The following KIF13A variants were observed in gnomAD, a reference collection of about 807,000 sequenced individuals.
KIF13A encodes kinesin family member 13A.
Under a neutral mutation model 212.2 loss-of-function variants are expected in KIF13A, and 79 were observed. The observed-to-expected ratio is 0.37, with a 90% CI of 0.31 to 0.45. The LOEUF is 0.45. KIF13A is among the 20% of genes least tolerant of loss of function. The pLI is 1.00. For missense variants in KIF13A, 1,901 were observed against 2,209.0 expected, an observed-to-expected ratio of 0.86 and a Z score of 2.79; for synonymous variants, 789 against 808.6, an observed-to-expected ratio of 0.98 and a Z score of 0.41.
intron 6 of KIF13A, among the ~76,000 whole-genome samples, chr6:17,854,492 C>T (rs140516938): frequency 6.6e-6 from 1 of 151,100 alleles, no homozygotes; most frequent in African/African-American, 2.4e-5. Flanking sequence ...TCTTCTTACA[C>T]CTTACCTATT....
Position 17,888,341 on chromosome 6 carries a change from T to C in KIF13A, c.159+9827A>G, listed in dbSNP as rs1056067665. 3.9e-5 allele frequency among the ~76,000 whole-genome samples: 6 copies of C among 152,070 alleles called. No homozygotes were observed. The highest frequency in any genetic ancestry group is 8.8e-5 in the Non-Finnish European group (6 of 68,010). ...CAGCTGCAACACTCCTGGACCCAGA[T>C]ATAAAAGTAAAAATGTAAAAGATCA... On this transcript the variant is annotated intron_variant, in intron 3 of 38. Coordinates refer to ENST00000259711, the MANE Select transcript of KIF13A (RefSeq NM_022113.6). This position sits in a 1 kb window ranked among gnomAD's most constrained non-coding sequence, Gnocchi z 4.8.
At chr6:17,868,423 T>C (rs576361152) in intron 4 of KIF13A, among the ~76,000 whole-genome samples, 2 of 152,348 alleles carry the variant, frequency 1.3e-5, no homozygotes, top group South Asian at 2.1e-4. Context: ...GTATTGACTA[T>C]AATATACTAA....
chr6:17,831,655 T>C (rs1164683764), intron 12 of KIF13A, among the ~76,000 whole-genome samples: 2 of 149,512 alleles, frequency 1.3e-5, no homozygotes, highest in Admixed American at 6.8e-5. Flanking sequence ...AACAGAAATA[T>C]AAAGATAGGG....
intron 2 of KIF13A, among the ~76,000 whole-genome samples, chr6:17,936,842 GA>G (rs374057521): frequency 6.6e-6 from 1 of 150,692 alleles, no homozygotes; most frequent in East Asian, 1.9e-4. Context: ...GCATTCCTTT[GA>G]AAAAAAAATG....
chr6:17,884,670 A>G (rs1258035841), intron 3 of KIF13A, among the ~76,000 whole-genome samples: 1 of 152,248 alleles, frequency 6.6e-6, no homozygotes, highest in Admixed American at 6.5e-5. Context: ...CCCTTGGGGA[A>G]AAAAGTCTGC....
At chr6:17,844,044 CAAA>C (rs35763673) in intron 9 of KIF13A, among the ~76,000 whole-genome samples, 47 of 114,980 alleles carry the variant, frequency 4.1e-4, no homozygotes, top group Admixed American at 5.0e-4. Flanking sequence ...GACTCCATCT[CAAA>C]AAAAAAAAAA....
At position 17,766,061 on chromosome 6, in the gene KIF13A, C is replaced by T. The variant is rs890301741; in HGVS notation, c.4582-1115G>A. On this transcript the variant is annotated intron_variant, in intron 38 of 38. Coordinates refer to ENST00000259711, the MANE Select transcript of KIF13A (RefSeq NM_022113.6). ...GATAAGAATTTCATTCACAGGTAAA[C>T]TTAGACACCTCAAAAACAGTTAGCT... Among the ~76,000 whole-genome samples, 8 of 152,150 alleles carry T rather than the reference C, an allele frequency of 5.3e-5. No individual in the cohort carries two copies. The South Asian group carries it at 8.3e-4, about 16-fold the overall frequency.
rs182163108 is a variant in KIF13A, at chr6:17,873,613, T to G, written c.160-176A>C. Among the ~76,000 whole-genome samples, 839 of 152,268 alleles carry G rather than the reference T, an allele frequency of 5.5e-3. 13 individuals carry two copies. The highest frequency in any genetic ancestry group is 0.019 in the African/African-American group (777 of 41,532). ...TAAAATTTCTTATTTTCCTCTTTTTTGGGGGACAGGGTCATCCAGGCTGGA... is the reference window on the plus strand; with the variant it reads ...TAAAATTTCTTATTTTCCTCTTTTTGGGGGGACAGGGTCATCCAGGCTGGA... On this transcript the variant is annotated intron_variant, in intron 3 of 38. Transcript: ENST00000259711.
chr6:17,795,824 T>C (rs1007835409), intron 23 of KIF13A, among the ~76,000 whole-genome samples: 9 of 152,202 alleles, frequency 5.9e-5, no homozygotes, highest in South Asian at 2.1e-4. Context: ...ACTTAAACAA[T>C]TTTTTCTTCC....
intron 2 of KIF13A, among the ~76,000 whole-genome samples, chr6:17,959,923 G>T (rs1165293604): frequency 6.6e-6 from 1 of 151,988 alleles, no homozygotes; most frequent in African/African-American, 2.4e-5. Context: ...CTTGGGAGCT[G>T]AGGCAGGAGA....
Position 17,811,504 on chromosome 6 carries a change from CTT to C in KIF13A, c.2001-2576_2001-2575del, listed in dbSNP as rs1763419889. The stretch of plus-strand genomic sequence containing the variant: ...ACTTAATTTTTCCACAAATTTATAT[CTT>C]GTTTCATACTACATTCTAAGTGTAC... On this transcript the variant is annotated intron_variant, in intron 17 of 38. Coordinates refer to ENST00000259711, the MANE Select transcript of KIF13A (RefSeq NM_022113.6). This position sits in a 1 kb window ranked among gnomAD's most constrained non-coding sequence, Gnocchi z 6.0. Among the ~76,000 whole-genome samples the C allele has an allele frequency of 6.6e-6, 1 of 152,276 alleles. No individual in the cohort carries two copies. The highest frequency in any genetic ancestry group is 2.1e-4 in the South Asian group (1 of 4,824).
rs189927675 is a variant in KIF13A at position 17,826,936 on chromosome 6, G to A, written c.1533-812C>T. 9.9e-5 allele frequency among the ~76,000 whole-genome samples: 15 copies of A among 151,668 alleles called. No homozygotes were observed. Among genetic ancestry groups the A allele is most frequent in the African/African-American group, 2.2e-4 (9 of 41,370 alleles). ...TTTTTTTCTGGGCATGGTGGTGGGCGCCTGTAATCCCAGCTACTTGGGAGG... is the reference window on the plus strand; with the variant it reads ...TTTTTTTCTGGGCATGGTGGTGGGCACCTGTAATCCCAGCTACTTGGGAGG... On this transcript the variant is annotated intron_variant, in intron 14 of 38. Coordinates refer to ENST00000259711, the MANE Select transcript of KIF13A (RefSeq NM_022113.6). The surrounding 1 kb of genome is among the most constrained non-coding windows in gnomAD (Gnocchi z 4.7).
chr6:17,920,519 A>G (rs1044641793), intron 2 of KIF13A, among the ~76,000 whole-genome samples: 1 of 152,202 alleles, frequency 6.6e-6, no homozygotes, highest in African/African-American at 2.4e-5. Context: ...ATCCTTTCAA[A>G]GCTGAGACCT....
rs775604671 is a variant in KIF13A at position 17,979,767 on chromosome 6, GAA to G, written c.146+7285_146+7286del. On this transcript the variant is annotated intron_variant, in intron 2 of 38. Transcript: ENST00000259711. ...CCAAGAAACAAGAATAAGATGGTTTGAAAAAAAAAAAAGAGAGACTAAAAAAA... is the reference window on the plus strand; with the variant it reads ...CCAAGAAACAAGAATAAGATGGTTTGAAAAAAAAAAGAGAGACTAAAAAAA... Among the ~76,000 whole-genome samples, 4 of 133,122 alleles carry G rather than the reference GAA, an allele frequency of 3.0e-5. No individual in the cohort carries two copies. The East Asian group carries it at 6.5e-4, about 22-fold the overall frequency. The allele number at this position is 133,122 out of a possible 152,430, so 87.3% of individuals were successfully genotyped here.
intron 16 of KIF13A, among the ~76,000 whole-genome samples, chr6:17,823,881 A>G (rs1581427152): frequency 6.8e-6 from 1 of 146,872 alleles, no homozygotes; most frequent in Middle Eastern, 3.4e-3. Context: ...GGGATTACAG[A>G]TGTGAGCCAC....
Position 17,926,652 on chromosome 6 carries a change from CTAA to C in KIF13A, c.147-28475_147-28473del, listed in dbSNP as rs201568728. ...ATATACTCACTGGAAAAGCATCGGA[CTAA>C]TAAGAAGGAGACTGAAATTTTCTTT... is the stretch of plus-strand genomic sequence containing the variant. On this transcript the variant is annotated intron_variant, in intron 2 of 38. Coordinates refer to ENST00000259711, the MANE Select transcript of KIF13A (RefSeq NM_022113.6). This position sits in a 1 kb window ranked among gnomAD's most constrained non-coding sequence, Gnocchi z 4.3. Among the ~76,000 whole-genome samples, 1 of 70,830 alleles carries C rather than the reference CTAA, an allele frequency of 1.4e-5. No homozygotes were observed. Among genetic ancestry groups the C allele is most frequent in the African/African-American group, 4.0e-5 (1 of 24,948 alleles). 46.5% of individuals were successfully genotyped at this position (70,830 alleles called of 152,430 possible).
At chr6:17,833,684 C>T (rs1765661141) in intron 12 of KIF13A, among the ~76,000 whole-genome samples, 3 of 151,276 alleles carry the variant, frequency 2.0e-5, no homozygotes, top group Admixed American at 1.3e-4. Context: ...GGTGAAACCC[C>T]ATCTCTACTA....
chr6:17,957,353 A>T (rs1270917316), intron 2 of KIF13A, among the ~76,000 whole-genome samples: 5 of 152,290 alleles, frequency 3.3e-5, no homozygotes, highest in African/African-American at 1.2e-4. Flanking sequence ...CCCCATCTCC[A>T]CAGGGACACA....
intron 3 of KIF13A, among the ~76,000 whole-genome samples, chr6:17,876,561 G>C (rs145046206): frequency 5.8e-4 from 88 of 152,032 alleles, no homozygotes; most frequent in African/African-American, 1.9e-3. Context: ...CCTTTTTTAT[G>C]GCTCCTATCT....
Sources: gnomAD v4.1 joint callset for allele counts (sites outside exome capture counted in the v4.1 genomes callset) on GRCh38, gnomAD v4.1.1 for gene constraint, Gnocchi (gnomAD v3.1) non-coding constraint, MANE v1.5 for transcripts, NCBI Gene and HGNC (gene_info 2026-07-23, HGNC 2026-07-21) for gene names.